The following CFAP69 variants were observed in gnomAD, a reference collection of about 807,000 sequenced individuals.
CFAP69 encodes cilia and flagella associated protein 69.
A neutral mutation model predicts 123.0 loss-of-function variants in CFAP69; 92 were observed. The observed-to-expected ratio is 0.75, with a 90% CI of 0.63 to 0.89. CFAP69 has a LOEUF of 0.89. Ranked by LOEUF, CFAP69 falls within the 40% of genes least tolerant of loss-of-function variation. CFAP69 has a pLI of 0.00. For missense variants in CFAP69, 1,067 were observed against 1,096.9 expected (o/e 0.97, Z 0.39); for synonymous variants, 380 against 364.3 (o/e 1.04, Z -0.49).
chr7:90,304,927 AG>A (rs1793347527), intron 19 of CFAP69, 107 bp downstream of exon 19: 2 of 824,762 alleles, frequency 2.4e-6, no homozygotes, highest in Admixed American at 6.2e-5. Context: ...CATACTGTAT[AG>A]TTTTTATTTT....
chr7:90,311,533 G>C (rs1471811288), downstream of CFAP69, among the ~76,000 whole-genome samples: 1 of 152,138 alleles, frequency 6.6e-6, no homozygotes, highest in Non-Finnish European at 1.5e-5. Context: ...AACATAGATA[G>C]GTTCTTTCAT....
At chr7:90,290,743 GTCTTTTCTTT>G (rs68042620) in intron 15 of CFAP69, among the ~76,000 whole-genome samples, 13,256 of 121,554 alleles carry the variant, frequency 0.11, 1,001 homozygotes, top group East Asian at 0.18. Context: ...TAGAAACAAT[GTCTTTTCTTT>G]TCTTTTCTTT....
At chr7:90,314,694 CTTT>C (rs71104455), downstream of CFAP69, among the ~76,000 whole-genome samples, 1 of 144,406 alleles carries the variant, frequency 6.9e-6, no homozygotes. Flanking sequence ...AAATTTAAAA[CTTT>C]TTTTTTTTTT....
chr7:90,310,113 T>C lies in CFAP69; in HGVS notation c.2701T>C (p.Leu901=), dbSNP rs11563907. 21,561 of 1,613,826 alleles carry C rather than the reference T, an allele frequency of 0.013. 943 individuals carry two copies. The highest frequency in any genetic ancestry group is 0.11 in the East Asian group (4,874 of 44,862). Residue 901 remains leucine, a synonymous_variant, in exon 23 of 23, where the codon TTA becomes CTA. Coordinates refer to ENST00000389297, the MANE Select transcript of CFAP69 (RefSeq NM_001039706.3). The part of the protein sequence containing the change: ...VVTVESTPAR[L]VGGPLVDTDI... ...AACAGTGGAAAGCACTCCTGCCCGA[T>C]TAGTAGGAGGACCTCTGGTTGATAC...
chr7:90,294,132 G>C (rs1791591021), intron 15 of CFAP69, among the ~76,000 whole-genome samples: 2 of 152,014 alleles, frequency 1.3e-5, no homozygotes, highest in South Asian at 4.1e-4. Flanking sequence ...TAGCTAGGGG[G>C]CATGGCTAAT....
chr7:90,315,581 C>G (rs1562939523), downstream of CFAP69, among the ~76,000 whole-genome samples: 1 of 152,088 alleles, frequency 6.6e-6, no homozygotes, highest in Non-Finnish European at 1.5e-5. Flanking sequence ...TGCGGAACAA[C>G]AGGCACTGAG....
In CFAP69 at chr7:90,300,059, G is replaced by A. The variant is rs1792558281; in HGVS notation, c.2050G>A (p.Asp684Asn). 1 of 1,570,910 alleles carries A rather than the reference G, an allele frequency of 6.4e-7. No individual in the cohort carries two copies. The highest frequency in any genetic ancestry group is 1.2e-5 in the South Asian group (1 of 84,768). The change falls in exon 17 of 23, where the codon GAT becomes AAT. Residue 684 changes from aspartate to asparagine, a missense_variant and splice_region_variant. Transcript: ENST00000389297. ...VKRDKNGKII[D>N]TKKPLFTSFQ... ...ACGTGATAAAAATGGGAAGATCATT[G>A]GTGAGTATATTTATAATTGTTAGTA...
At position 90,310,139 on chromosome 7, in the gene CFAP69, G is replaced by A. The variant is rs370605614; in HGVS notation, c.2727G>A (p.Thr909=). 2.2e-5 allele frequency: 35 copies of A among 1,613,764 alleles called. 1 individual carries two copies. In the Middle Eastern group the frequency reaches 6.6e-4, roughly 30 times the overall value. Residue 909 remains threonine, a synonymous_variant, in exon 23 of 23, where the codon ACG becomes ACA. Coordinates refer to ENST00000389297, the MANE Select transcript of CFAP69 (RefSeq NM_001039706.3). The stretch of plus-strand genomic sequence containing the variant: ...TAGTAGGAGGACCTCTGGTTGATAC[G>A]GATATTGCTCTTAAAAAACTGCCCA... The part of the protein sequence containing the change: ...ARLVGGPLVD[T]DIALKKLPIR...
intron 17 of CFAP69, chr7:90,300,430 C>A: frequency 1.2e-6 from 1 of 849,202 alleles, no homozygotes; most frequent in Non-Finnish European, 1.4e-6. Flanking sequence ...TTATACATTT[C>A]TGTTCATTTT....
At chr7:90,318,161 C>T in the CFAP69 span, 2 of 152,168 alleles carry the variant, frequency 1.3e-5, no homozygotes, top group South Asian at 4.1e-4. Context: ...TGTATTACTT[C>T]CCTGTCTTCA....
At chr7:90,273,609 G>T (rs968419087) in intron 8 of CFAP69, among the ~76,000 whole-genome samples, 1 of 152,152 alleles carries the variant, frequency 6.6e-6, no homozygotes. Flanking sequence ...TCATAAAAGT[G>T]TGTGTTTTAG....
intron 1 of CFAP69, among the ~76,000 whole-genome samples, chr7:90,254,018 G>T (rs1410540111): frequency 6.6e-6 from 1 of 151,946 alleles, no homozygotes; most frequent in Non-Finnish European, 1.5e-5. Context: ...TTTTTATTTG[G>T]TGAGACATAG....
chr7:90,271,712 A>G, intron 7 of CFAP69, 37 bp downstream of exon 7: 2 of 1,596,374 alleles, frequency 1.3e-6, no homozygotes, highest in Non-Finnish European at 1.7e-6. Flanking sequence ...TTCATTGTCA[A>G]CTACTTTTGT....
chr7:90,296,489 G>A (rs528398432), intron 15 of CFAP69, among the ~76,000 whole-genome samples: 6 of 151,990 alleles, frequency 3.9e-5, no homozygotes, highest in African/African-American at 9.7e-5. Context: ...CACCATGCCC[G>A]GCTGATTCTT....
chr7:90,292,831 G>C (rs1316309141), intron 15 of CFAP69, among the ~76,000 whole-genome samples: 3 of 152,164 alleles, frequency 2.0e-5, no homozygotes, highest in Non-Finnish European at 4.4e-5. Flanking sequence ...CTCTCTATGA[G>C]AGTTCTGAAA....
rs1349138134 is a variant in CFAP69, at chr7:90,288,224, T to A, written c.1657-10T>A. The A allele has an allele frequency of 6.9e-6, 11 of 1,593,020 alleles. No individual in the cohort carries two copies. In the East Asian group the frequency reaches 2.5e-4, roughly 36 times the overall value. On this transcript the variant is annotated splice_polypyrimidine_tract_variant and intron_variant, in intron 14 of 22. Transcript: ENST00000389297. Reference sequence around the variant, plus strand: ...TTCAAGAAATAATTTAAAACAAATATCTTAAACAGGAAATTTTCGGAACTG... The same window carrying A: ...TTCAAGAAATAATTTAAAACAAATAACTTAAACAGGAAATTTTCGGAACTG...
At chr7:90,277,394 T>C in intron 11 of CFAP69, 60 bp downstream of exon 11, 1 of 1,285,120 alleles carries the variant, frequency 7.8e-7, no homozygotes, top group Non-Finnish European at 1.0e-6. Flanking sequence ...AGTATAACTA[T>C]TTTAAAGTCT....
intron 9 of CFAP69, among the ~76,000 whole-genome samples, chr7:90,274,827 C>T (rs942957679): frequency 4.6e-5 from 7 of 152,180 alleles, no homozygotes; most frequent in African/African-American, 1.7e-4. Flanking sequence ...GCTTAGGTTT[C>T]ATAGAGCTTC....
At chr7:90,273,461 A>C (rs546242222) in intron 8 of CFAP69, among the ~76,000 whole-genome samples, 6 of 152,292 alleles carry the variant, frequency 3.9e-5, no homozygotes, top group East Asian at 3.9e-4. Context: ...TGTGTAATAG[A>C]CTGGTTTAGT....
Sources: gnomAD v4.1 joint callset for allele counts (sites outside exome capture counted in the v4.1 genomes callset) on GRCh38, gnomAD v4.1.1 for gene constraint, MANE v1.5 for transcripts, NCBI Gene and HGNC (gene_info 2026-07-23, HGNC 2026-07-21) for gene names.